SUGCT: variants seen among roughly 807,000 people sequenced by gnomAD.
SUGCT encodes succinyl-CoA:glutarate-CoA transferase.
SUGCT carries 41 observed loss-of-function variants against 55.0 expected under a neutral mutation model. The ratio of observed to expected loss-of-function variants is 0.74; its 90% CI spans 0.58 to 0.97. SUGCT has a LOEUF of 0.97. SUGCT is among the 50% of genes least tolerant of loss of function. SUGCT has a pLI of 0.00. For synonymous variants in SUGCT, 187 were observed against 200.4 expected (o/e 0.93, Z 0.56); for missense variants, 568 against 547.8 (o/e 1.04, Z -0.37).
chr7:40,141,580 G>C (rs1395423025), intron 1 of SUGCT, among the ~76,000 whole-genome samples: 1 of 150,832 alleles, frequency 6.6e-6, no homozygotes, highest in East Asian at 1.9e-4. Context: ...GCTGCAGTGA[G>C]CTGAGATTGT....
At chr7:40,998,683 AG>A in the SUGCT span, among the ~76,000 whole-genome samples, 2 of 152,180 alleles carry the variant, frequency 1.3e-5, no homozygotes, top group Non-Finnish European at 2.9e-5. Context: ...GGTGTCTTCT[AG>A]AAAGCCCCCA....
intron 12 of SUGCT, among the ~76,000 whole-genome samples, chr7:40,675,767 C>T (rs1010673760): frequency 6.6e-6 from 1 of 152,096 alleles, no homozygotes; most frequent in Admixed American, 6.5e-5. Flanking sequence ...AGTAAGAGTT[C>T]GGAGACAGAG....
rs1156419186 is a variant in SUGCT at position 40,187,803 on chromosome 7, CACGCCTGTAATCTCAGTT to C, written c.227-689_227-672del. On this transcript the variant is annotated intron_variant, in intron 3 of 13. Coordinates refer to ENST00000335693, the MANE Select transcript of SUGCT (RefSeq NM_001193313.2). ...AAAAAATTAGTCGGGCATGGTGGTG[CACGCCTGTAATCTCAGTT>C]ACTATGGAGGCTGATGCAGGAGATG... Among the ~76,000 whole-genome samples, 30 of 152,174 alleles carry C rather than the reference CACGCCTGTAATCTCAGTT, an allele frequency of 2.0e-4. No homozygotes were observed. In the South Asian group the frequency reaches 6.2e-3, roughly 32 times the overall value.
At chr7:41,022,406 G>C in the SUGCT span, among the ~76,000 whole-genome samples, 1 of 152,162 alleles carries the variant, frequency 6.6e-6, no homozygotes, top group African/African-American at 2.4e-5. Flanking sequence ...GATAAACAAT[G>C]AATGGGAGTT....
At chr7:41,005,554 G>A in the SUGCT span, among the ~76,000 whole-genome samples, 1 of 152,184 alleles carries the variant, frequency 6.6e-6, no homozygotes, top group Non-Finnish European at 1.5e-5. Context: ...TCCTTTGTGG[G>A]TTTTGTTCAA....
rs1309926710 is a variant in SUGCT at position 40,312,197 on chromosome 7, G to T, written c.721-4563G>T. On this transcript the variant is annotated intron_variant, in intron 8 of 13. Transcript: ENST00000335693. ...TGGGATTGCAGGCATGCTCCACCAC[G>T]CCTGGCTAATTTTTTGTATGTTTAG... Among the ~76,000 whole-genome samples the T allele has an allele frequency of 2.0e-5, 3 of 151,932 alleles. No individual in the cohort carries two copies. The East Asian group carries it at 5.8e-4, about 29-fold the overall frequency.
At chr7:40,253,251 A>G (rs1321032629) in intron 7 of SUGCT, among the ~76,000 whole-genome samples, 2 of 152,162 alleles carry the variant, frequency 1.3e-5, no homozygotes, top group Non-Finnish European at 2.9e-5. Flanking sequence ...GTGGTCAATA[A>G]ATGGAATATT....
chr7:40,693,385 G>C (rs74846490), intron 12 of SUGCT, among the ~76,000 whole-genome samples: 4,313 of 152,218 alleles, frequency 0.028, 217 homozygotes, highest in African/African-American at 0.098. Flanking sequence ...ACACTTTCAG[G>C]TGCTATTCCA....
At chr7:40,844,282 C>A (rs1480722489) in intron 13 of SUGCT, among the ~76,000 whole-genome samples, 1 of 152,106 alleles carries the variant, frequency 6.6e-6, no homozygotes, top group Non-Finnish European at 1.5e-5. Context: ...TTACACCCTG[C>A]CCTCTTGGTA....
chr7:40,440,600 A>G (rs1401771704), intron 9 of SUGCT, among the ~76,000 whole-genome samples: 2 of 152,112 alleles, frequency 1.3e-5, no homozygotes, highest in Non-Finnish European at 2.9e-5. Flanking sequence ...TCAACTCTCA[A>G]CCATGATATT....
chr7:40,620,237 C>T (rs888777232), intron 12 of SUGCT, among the ~76,000 whole-genome samples: 1 of 152,276 alleles, frequency 6.6e-6, no homozygotes. Context: ...CTCCTATCAC[C>T]CCAAAGAGCC....
At chr7:40,541,695 C>G (rs1794691347) in intron 12 of SUGCT, among the ~76,000 whole-genome samples, 1 of 152,028 alleles carries the variant, frequency 6.6e-6, no homozygotes, top group Admixed American at 6.6e-5. Context: ...GAGTAGTTTC[C>G]TGTGGGAAGA....
At chr7:40,646,461 C>G (rs768751768) in intron 12 of SUGCT, among the ~76,000 whole-genome samples, 1 of 152,186 alleles carries the variant, frequency 6.6e-6, no homozygotes, top group Non-Finnish European at 1.5e-5. Flanking sequence ...CTTCCTGTGT[C>G]CTACAAGACC....
At chr7:40,795,601 C>T (rs73312229) in intron 13 of SUGCT, among the ~76,000 whole-genome samples, 7 of 152,038 alleles carry the variant, frequency 4.6e-5, no homozygotes, top group African/African-American at 1.7e-4. Context: ...GGCTTCAATC[C>T]GCATCGACAC....
At chr7:40,833,994 C>CA (rs1792830603) in intron 13 of SUGCT, among the ~76,000 whole-genome samples, 1 of 152,112 alleles carries the variant, frequency 6.6e-6, no homozygotes, top group Admixed American at 6.5e-5. Context: ...TGTGGGGTGC[C>CA]AATACTTCAA....
rs139121553 is a variant in SUGCT at position 40,853,781 on chromosome 7, T to A, written c.1154-6535T>A. Among the ~76,000 whole-genome samples the A allele has an allele frequency of 5.8e-3, 880 of 152,324 alleles. 8 individuals carry two copies. The highest frequency in any genetic ancestry group is 0.02 in the African/African-American group (833 of 41,570). ...TAAAATGAGAGCTATAATAATTTCT[T>A]CCTTATATAAATTGAAAAGTCCAAT... On this transcript the variant is annotated intron_variant, in intron 13 of 13. Transcript: ENST00000335693.
At chr7:40,317,212 A>G (rs1040760879) in intron 9 of SUGCT, among the ~76,000 whole-genome samples, 1 of 152,042 alleles carries the variant, frequency 6.6e-6, no homozygotes, top group South Asian at 2.1e-4. Flanking sequence ...TCAGTTACAA[A>G]ACAAATGTTA....
intron 13 of SUGCT, among the ~76,000 whole-genome samples, chr7:40,801,949 A>T (rs1010750618): frequency 6.6e-6 from 1 of 152,078 alleles, no homozygotes; most frequent in Non-Finnish European, 1.5e-5. Flanking sequence ...CTAGTCTTAC[A>T]TTCTCTTCTA....
intron 12 of SUGCT, chr7:40,683,937 T>C: frequency 2.1e-6 from 3 of 1,437,256 alleles, no homozygotes; most frequent in Non-Finnish European, 2.8e-6. Context: ...GGCAGATGTA[T>C]TCCTTTCTGG....
Sources: allele counts gnomAD v4.1 joint callset (sites outside exome capture counted in the v4.1 genomes callset), GRCh38; gene constraint gnomAD v4.1.1; transcripts MANE v1.5; gene names NCBI Gene and HGNC (gene_info 2026-07-23, HGNC 2026-07-21).